Variants in GRIN2B observed in about 807,000 individuals in gnomAD.
The protein encoded by GRIN2B is glutamate receptor ionotropic, NMDA 2B.
In GRIN2B, 5 loss-of-function variants were observed where a neutral mutation model predicts 114.5. The ratio of observed to expected loss-of-function variants is 0.04; its 90% CI spans 0.02 to 0.09. GRIN2B has a LOEUF of 0.09. GRIN2B is among the 10% of genes least tolerant of loss of function. GRIN2B has a pLI of 1.00. For synonymous variants in GRIN2B, 787 were observed against 745.1 expected (o/e 1.06, Z -0.92); for missense variants, 1,108 against 1,943.5 (o/e 0.57, Z 8.08).
intron 4 of GRIN2B, among the ~76,000 whole-genome samples, chr12:13,743,180 G>A (rs940473766): frequency 2.6e-5 from 4 of 152,168 alleles, no homozygotes; most frequent in African/African-American, 9.7e-5. Context: ...AACGTGCTTT[G>A]AGCGACACTC....
intron 2 of GRIN2B, among the ~76,000 whole-genome samples, chr12:13,885,757 G>C (rs554139261): frequency 2.0e-5 from 3 of 152,292 alleles, no homozygotes; most frequent in Admixed American, 6.5e-5. Context: ...CTGACTTTCA[G>C]AATACAACTT....
Position 13,916,735 on chromosome 12 carries a change from A to ACAAATGTG in GRIN2B, c.-18-50510_-18-50509insCACATTTG, listed in dbSNP as rs59238170. 1.6e-3 allele frequency among the ~76,000 whole-genome samples: 160 copies of ACAAATGTG among 101,890 alleles called. 2 individuals are homozygous for ACAAATGTG. The highest frequency in any genetic ancestry group is 3.3e-3 in the South Asian group (11 of 3,320). The allele number at this position is 101,890 out of a possible 152,430, so 66.8% of individuals were successfully genotyped here. On this transcript the variant is annotated intron_variant, in intron 2 of 13. Transcript: ENST00000609686. ...TATACACACACACACACACACACAC[A>ACAAATGTG]TTTGTGTGTGTGTGTGTGTGTGTGT...
At chr12:13,575,958 A>G (rs1948770551) in intron 10 of GRIN2B, among the ~76,000 whole-genome samples, 1 of 152,242 alleles carries the variant, frequency 6.6e-6, no homozygotes, top group African/African-American at 2.4e-5. Context: ...TGAAGTTCTA[A>G]CATTTAAAAT....
At chr12:13,616,191 A>G (rs1409447079) in intron 6 of GRIN2B, among the ~76,000 whole-genome samples, 1 of 152,188 alleles carries the variant, frequency 6.6e-6, no homozygotes, top group Non-Finnish European at 1.5e-5. Flanking sequence ...AAATCTCCAT[A>G]AACTTGAGGT....
At chr12:13,565,107 A>T (rs1409421566) in intron 13 of GRIN2B, among the ~76,000 whole-genome samples, 1 of 152,260 alleles carries the variant, frequency 6.6e-6, no homozygotes, top group Non-Finnish European at 1.5e-5. Flanking sequence ...GGCTGACAGT[A>T]AAGCACAGGG....
At chr12:13,614,374 G>T (rs1949408360) in intron 8 of GRIN2B, among the ~76,000 whole-genome samples, 1 of 152,148 alleles carries the variant, frequency 6.6e-6, no homozygotes, top group African/African-American at 2.4e-5. Flanking sequence ...TCTCCTTTCT[G>T]CTAGCCCAGT....
intron 5 of GRIN2B, among the ~76,000 whole-genome samples, chr12:13,653,915 T>C (rs1443333078): frequency 6.6e-6 from 1 of 152,154 alleles, no homozygotes; most frequent in African/African-American, 2.4e-5. Context: ...TACAGGCCTA[T>C]GGTTCACACT....
Position 13,547,568 on chromosome 12 carries a change from A to C in GRIN2B, c.*15215T>G, listed in dbSNP as rs955718577. The C allele has an allele frequency of 7.9e-5, 12 of 152,126 alleles. No homozygotes were observed. The highest frequency in any genetic ancestry group is 1.5e-4 in the Non-Finnish European group (10 of 67,982). The allele number at this position is 152,126 out of a possible 1,614,324, so 9.4% of individuals were successfully genotyped here. A position where few individuals can be genotyped will look rare whatever the true frequency, so the allele number is the denominator to read the frequency against. On this transcript the variant is annotated 3_prime_UTR_variant, in exon 14 of 14. Coordinates refer to ENST00000609686, the MANE Select transcript of GRIN2B (RefSeq NM_000834.5). ...CAGGTAGATTTCACCATTATGTAAC[A>C]AAGAGAATAAAAAAGAAAGGAAAGG...
chr12:13,564,143 T>C lies in GRIN2B; in HGVS notation c.3095A>G (p.His1032Arg). The change falls in exon 14 of 14, where the codon CAC becomes CGC. Residue 1032 changes from histidine to arginine, a missense_variant. Physicochemically the swap from His to Arg is conservative, Grantham distance 29. Coordinates refer to ENST00000609686, the MANE Select transcript of GRIN2B (RefSeq NM_000834.5). The surrounding 1 kb of genome is among the most constrained non-coding windows in gnomAD (Gnocchi z 4.8). ...PLDIGLPSSKHSQLSDLYGKF... is the reference protein window; with the variant it reads ...PLDIGLPSSKRSQLSDLYGKF... ...GCCGTACAGGTCACTGAGCTGGCTG[T>C]GCTTGGAGGAGGGGAGGCCGATGTC... The C allele has an allele frequency of 6.2e-7, 1 of 1,614,102 alleles. No homozygotes were observed. Among genetic ancestry groups the C allele is most frequent in the Non-Finnish European group, 8.5e-7 (1 of 1,180,022 alleles).
chr12:13,846,557 C>T (rs980366452), intron 3 of GRIN2B, among the ~76,000 whole-genome samples: 14 of 152,140 alleles, frequency 9.2e-5, no homozygotes, highest in Non-Finnish European at 1.9e-4. Flanking sequence ...TGCTGATATT[C>T]GACTCCACCA....
intron 4 of GRIN2B, among the ~76,000 whole-genome samples, chr12:13,746,244 C>T (rs963902229): frequency 6.6e-6 from 1 of 152,106 alleles, no homozygotes; most frequent in Non-Finnish European, 1.5e-5. Flanking sequence ...GCAGTAAGTA[C>T]TCAAAAAGGC....
intron 5 of GRIN2B, among the ~76,000 whole-genome samples, chr12:13,671,324 T>C (rs1256094832): frequency 1.3e-5 from 2 of 152,148 alleles, no homozygotes; most frequent in African/African-American, 2.4e-5. Flanking sequence ...TCAGGTAGTA[T>C]CCATCACTAG....
At chr12:13,651,430 A>G (rs552913678) in intron 5 of GRIN2B, among the ~76,000 whole-genome samples, 8 of 152,268 alleles carry the variant, frequency 5.3e-5, no homozygotes, top group Non-Finnish European at 1.0e-4. Flanking sequence ...AACAGAGATG[A>G]GACGGGAAAG....
chr12:13,869,590 C>T (rs569666461), intron 2 of GRIN2B, among the ~76,000 whole-genome samples: 11 of 152,226 alleles, frequency 7.2e-5, no homozygotes, highest in African/African-American at 2.4e-4. Flanking sequence ...GTCATACTTT[C>T]CTTTTATTAC....
At chr12:13,849,235 C>T (rs946081984) in intron 3 of GRIN2B, among the ~76,000 whole-genome samples, 18 of 152,206 alleles carry the variant, frequency 1.2e-4, no homozygotes, top group African/African-American at 4.3e-4. Flanking sequence ...TTCTACCCTG[C>T]AGAGCAGCCC....
intron 4 of GRIN2B, among the ~76,000 whole-genome samples, chr12:13,685,243 C>T (rs1238605317): frequency 6.6e-6 from 1 of 152,190 alleles, no homozygotes; most frequent in Non-Finnish European, 1.5e-5. Context: ...CAGGAAATAT[C>T]TCCATACACA....
chr12:13,595,763 G>A lies in GRIN2B; in HGVS notation c.2010+12840C>T, dbSNP rs769107012. 1.7e-4 allele frequency among the ~76,000 whole-genome samples: 26 copies of A among 152,202 alleles called. 1 individual carries two copies. The highest frequency in any genetic ancestry group is 5.1e-4 in the African/African-American group (21 of 41,456). ...AGCACTTGAATACAATTTGCATAAC[G>A]AGGCAGGTGAGAGCGCCTCTTGCCT... On this transcript the variant is annotated intron_variant, in intron 10 of 13. Transcript: ENST00000609686.
chr12:13,630,706 CA>C (rs1351535643), intron 5 of GRIN2B, among the ~76,000 whole-genome samples: 1 of 152,068 alleles, frequency 6.6e-6, no homozygotes, highest in African/African-American at 2.4e-5. Context: ...GAGACCAACC[CA>C]AAAACCACTA....
At chr12:13,813,225 G>A (rs61912158) in intron 3 of GRIN2B, among the ~76,000 whole-genome samples, 42,652 of 151,964 alleles carry the variant, frequency 0.28, 6,875 homozygotes, top group Non-Finnish European at 0.37. Flanking sequence ...GTGAGCCACC[G>A]TGCCCGGCCT....
Sources: gnomAD v4.1 joint callset for allele counts (sites outside exome capture counted in the v4.1 genomes callset) on GRCh38, gnomAD v4.1.1 for gene constraint, Gnocchi (gnomAD v3.1) non-coding constraint, MANE v1.5 for transcripts, NCBI Gene and HGNC (gene_info 2026-07-23, HGNC 2026-07-21) for gene names.